Variants in GABRB1 observed in about 807,000 individuals in gnomAD.
The protein encoded by GABRB1 is gamma-aminobutyric acid type A receptor subunit beta1.
A neutral mutation model predicts 51.6 loss-of-function variants in GABRB1; 17 were observed. The observed-to-expected ratio is 0.33, with a 90% CI of 0.23 to 0.49. The LOEUF is 0.49. Ranked by LOEUF, GABRB1 falls within the 20% of genes least tolerant of loss-of-function variation. The pLI, the probability that GABRB1 is intolerant of heterozygous loss-of-function variation, is 0.99. For missense variants in GABRB1, 410 were observed against 600.6 expected (o/e 0.68, Z 3.32); for synonymous variants, 247 against 218.9 (o/e 1.13, Z -1.14).
chr4:47,292,602 A>G (rs1456743501), intron 4 of GABRB1, among the ~76,000 whole-genome samples: 1 of 152,248 alleles, frequency 6.6e-6, no homozygotes, highest in African/African-American at 2.4e-5. Context: ...AGAAATTTCC[A>G]GGGACTTCCC....
chr4:47,015,055 C>T (rs893658876), intron 1 of GABRB1, among the ~76,000 whole-genome samples: 111 of 152,278 alleles, frequency 7.3e-4, no homozygotes, highest in African/African-American at 2.5e-3. Flanking sequence ...TACAGGCACA[C>T]GCCACCACAC....
At chr4:47,173,791 C>T (rs1718542347) in intron 4 of GABRB1, among the ~76,000 whole-genome samples, 1 of 152,082 alleles carries the variant, frequency 6.6e-6, no homozygotes, top group African/African-American at 2.4e-5. Flanking sequence ...ATTTGCTTTT[C>T]TAAAGTGCAA....
chr4:47,422,262 T>A (rs548936995), intron 8 of GABRB1, among the ~76,000 whole-genome samples: 1 of 152,222 alleles, frequency 6.6e-6, no homozygotes, highest in Non-Finnish European at 1.5e-5. Flanking sequence ...AGAATTTGCC[T>A]TTCTCAATCC....
At chr4:47,051,541 A>C (rs939843411) in intron 3 of GABRB1, among the ~76,000 whole-genome samples, 1 of 152,160 alleles carries the variant, frequency 6.6e-6, no homozygotes, top group African/African-American at 2.4e-5. Context: ...TTGCTTCTCC[A>C]CTTCCTCATA....
At chr4:47,332,915 C>T (rs1185931664) in intron 5 of GABRB1, among the ~76,000 whole-genome samples, 1 of 151,646 alleles carries the variant, frequency 6.6e-6, no homozygotes, top group Admixed American at 6.6e-5. Context: ...CTTTTATTTC[C>T]TCTGGCAGAA....
At chr4:47,399,772 T>A (rs1023907658) in intron 5 of GABRB1, among the ~76,000 whole-genome samples, 4 of 152,228 alleles carry the variant, frequency 2.6e-5, no homozygotes, top group Non-Finnish European at 5.9e-5. Context: ...ATTCTAGATG[T>A]TCTGTGGGTG....
intron 5 of GABRB1, among the ~76,000 whole-genome samples, chr4:47,350,265 G>A (rs1380781870): frequency 7.6e-6 from 1 of 131,002 alleles, no homozygotes; most frequent in African/African-American, 3.0e-5. Context: ...ATTCATTAAT[G>A]TGTGTATATA....
intron 4 of GABRB1, among the ~76,000 whole-genome samples, chr4:47,212,583 G>C (rs962260166): frequency 7.2e-5 from 11 of 152,120 alleles, no homozygotes; most frequent in African/African-American, 2.4e-4. Flanking sequence ...GAAGGCTAAG[G>C]CTTGGGAATT....
intron 5 of GABRB1, among the ~76,000 whole-genome samples, chr4:47,399,903 A>T (rs1266760887): frequency 6.6e-6 from 1 of 152,208 alleles, no homozygotes; most frequent in East Asian, 1.9e-4. Flanking sequence ...CTTGGAGTTT[A>T]GGAATGATAC....
chr4:47,283,454 C>T (rs1229952943), intron 4 of GABRB1, among the ~76,000 whole-genome samples: 3 of 134,078 alleles, frequency 2.2e-5, no homozygotes, highest in African/African-American at 8.3e-5. Context: ...CACACGATCT[C>T]GGCTCACTGC....
At chr4:47,072,350 A>G (rs1453322304) in intron 3 of GABRB1, among the ~76,000 whole-genome samples, 2 of 152,164 alleles carry the variant, frequency 1.3e-5, no homozygotes, top group African/African-American at 2.4e-5. Flanking sequence ...TCACAGTCTA[A>G]GGGAAGGAGT....
chr4:47,079,623 A>G (rs925937872), intron 3 of GABRB1, among the ~76,000 whole-genome samples: 12 of 152,052 alleles, frequency 7.9e-5, no homozygotes, highest in Non-Finnish European at 1.8e-4. Flanking sequence ...AATAGGCTGG[A>G]TTAAGAAAAT....
intron 4 of GABRB1, among the ~76,000 whole-genome samples, chr4:47,208,132 T>C (rs1428346914): frequency 3.3e-5 from 5 of 152,094 alleles, no homozygotes; most frequent in Admixed American, 3.3e-4. Context: ...TTTGTGTGTG[T>C]ACAATGACAT....
chr4:47,272,655 C>G (rs1208601986), intron 4 of GABRB1, among the ~76,000 whole-genome samples: 1 of 152,084 alleles, frequency 6.6e-6, no homozygotes, highest in Non-Finnish European at 1.5e-5. Context: ...AGGTATTCCT[C>G]TGTCTCTTAT....
intron 4 of GABRB1, among the ~76,000 whole-genome samples, chr4:47,260,653 C>T (rs1315624715): frequency 6.6e-6 from 1 of 152,120 alleles, no homozygotes; most frequent in Non-Finnish European, 1.5e-5. Flanking sequence ...TGAATATTGG[C>T]CCCCACTCTC....
At chr4:47,417,454 C>G (rs547587712) in intron 8 of GABRB1, among the ~76,000 whole-genome samples, 12 of 151,922 alleles carry the variant, frequency 7.9e-5, no homozygotes, top group African/African-American at 2.2e-4. Flanking sequence ...ATCTCCTCCC[C>G]CCGAGAAAAG....
intron 4 of GABRB1, among the ~76,000 whole-genome samples, chr4:47,184,255 C>A (rs1037479157): frequency 6.6e-6 from 1 of 151,874 alleles, no homozygotes; most frequent in South Asian, 2.1e-4. Context: ...ATCTCATAAC[C>A]GTAACACCCA....
chr4:47,095,986 T>C (rs1443310368), intron 3 of GABRB1, among the ~76,000 whole-genome samples: 1 of 152,208 alleles, frequency 6.6e-6, no homozygotes, highest in Non-Finnish European at 1.5e-5. Context: ...AGTATCTCAC[T>C]TCTTTATTGA....
intron 3 of GABRB1, among the ~76,000 whole-genome samples, chr4:47,083,995 C>A (rs1339195802): frequency 6.6e-6 from 1 of 152,058 alleles, no homozygotes; most frequent in Non-Finnish European, 1.5e-5. Context: ...GAAAAAATAT[C>A]TGTAAAAGAA....
Sources: gnomAD v4.1 joint callset for allele counts (sites outside exome capture counted in the v4.1 genomes callset) on GRCh38, gnomAD v4.1.1 for gene constraint, MANE v1.5 for transcripts, NCBI Gene and HGNC (gene_info 2026-07-23, HGNC 2026-07-21) for gene names.